The following SLC25A48 variants were observed in gnomAD, a reference collection of about 807,000 sequenced individuals.
The protein encoded by SLC25A48 is solute carrier family 25 member 48.
Under a neutral mutation model 32.2 loss-of-function variants are expected in SLC25A48, and 29 were observed. The observed-to-expected ratio is 0.90, with a 90% CI of 0.67 to 1.23. The LOEUF is 1.23. SLC25A48 is among the 50% of genes most tolerant of loss of function. SLC25A48 has a pLI of 0.00. For missense variants in SLC25A48, 399 were observed against 422.7 expected, an observed-to-expected ratio of 0.94 and a Z score of 0.49; for synonymous variants, 164 against 172.3, an observed-to-expected ratio of 0.95 and a Z score of 0.38.
chr5:135,598,881 T>A (rs777585251), intron 1 of SLC25A48, among the ~76,000 whole-genome samples: 100 of 152,112 alleles, frequency 6.6e-4, no homozygotes, highest in Non-Finnish European at 1.2e-3. Context: ...TGGTCGGTGG[T>A]CTCTTATCAG....
At chr5:135,661,027 T>C (rs1753383306) in intron 3 of SLC25A48, among the ~76,000 whole-genome samples, 1 of 152,196 alleles carries the variant, frequency 6.6e-6, no homozygotes, top group Non-Finnish European at 1.5e-5. Context: ...ACTTTGTCAG[T>C]CCCAGGGCCA....
intron 1 of SLC25A48, among the ~76,000 whole-genome samples, chr5:135,584,019 A>C (rs931542821): frequency 6.6e-6 from 1 of 152,216 alleles, no homozygotes; most frequent in Non-Finnish European, 1.5e-5. Context: ...ATATTTAGAG[A>C]TCCTGAGTAA....
At chr5:135,763,790 C>CACA (rs1554072856) in intron 3 of SLC25A48, among the ~76,000 whole-genome samples, 1 of 151,198 alleles carries the variant, frequency 6.6e-6, no homozygotes, top group Non-Finnish European at 1.5e-5. Context: ...CACACACACA[C>CACA]GAGAGAGAGA....
intron 3 of SLC25A48, among the ~76,000 whole-genome samples, chr5:135,718,006 C>T (rs1043433753): frequency 1.4e-5 from 2 of 143,784 alleles, no homozygotes; most frequent in African/African-American, 2.5e-5. Flanking sequence ...GCTTGAGACT[C>T]CTTTTTTGTT....
At chr5:135,717,021 G>A (rs1754817333) in intron 3 of SLC25A48, among the ~76,000 whole-genome samples, 2 of 151,712 alleles carry the variant, frequency 1.3e-5, no homozygotes, top group Admixed American at 1.3e-4. Flanking sequence ...GATTTTTTTT[G>A]CAACCCCCAA....
intron 4 of SLC25A48, among the ~76,000 whole-genome samples, chr5:135,864,198 A>G (rs1761020241): frequency 6.6e-6 from 1 of 152,214 alleles, no homozygotes; most frequent in Admixed American, 6.5e-5. Context: ...AAATAAGGCA[A>G]AAACATTTCT....
At chr5:135,751,050 C>A (rs181327623) in intron 3 of SLC25A48, among the ~76,000 whole-genome samples, 176 of 152,302 alleles carry the variant, frequency 1.2e-3, no homozygotes, top group African/African-American at 3.8e-3. Context: ...CAGCCAATAG[C>A]TGCAGATCCA....
At chr5:135,751,389 C>A (rs1469138068) in intron 3 of SLC25A48, among the ~76,000 whole-genome samples, 1 of 152,200 alleles carries the variant, frequency 6.6e-6, no homozygotes, top group Non-Finnish European at 1.5e-5. Context: ...GAGGCCCCTG[C>A]TCCCTGTGGT....
intron 3 of SLC25A48, among the ~76,000 whole-genome samples, chr5:135,684,866 C>A (rs1458686746): frequency 6.6e-6 from 1 of 152,108 alleles, no homozygotes; most frequent in Non-Finnish European, 1.5e-5. Flanking sequence ...GGTTTATTAC[C>A]ACTCTTTTGC....
At chr5:135,658,850 G>A (rs1434457146) in intron 3 of SLC25A48, among the ~76,000 whole-genome samples, 1 of 152,226 alleles carries the variant, frequency 6.6e-6, no homozygotes, top group Non-Finnish European at 1.5e-5. Flanking sequence ...GCCTCTTTTA[G>A]TCATGGCTGG....
chr5:135,752,533 A>G (rs1490613811), intron 3 of SLC25A48, among the ~76,000 whole-genome samples: 1 of 152,060 alleles, frequency 6.6e-6, no homozygotes, highest in East Asian at 1.9e-4. Flanking sequence ...ATTACAAGTA[A>G]TATCACAGGG....
intron 1 of SLC25A48, among the ~76,000 whole-genome samples, chr5:135,600,591 G>C (rs768855324): frequency 3.7e-4 from 57 of 152,094 alleles, no homozygotes; most frequent in Non-Finnish European, 8.8e-5. Flanking sequence ...CTCCTTCAGG[G>C]ACTGCATTTA....
At chr5:135,660,473 G>T (rs1048409922) in intron 3 of SLC25A48, among the ~76,000 whole-genome samples, 7 of 152,148 alleles carry the variant, frequency 4.6e-5, no homozygotes, top group African/African-American at 1.7e-4. Flanking sequence ...CTGCCATTTG[G>T]ATGGATAAAG....
chr5:135,698,799 C>T (rs1182042198), intron 3 of SLC25A48, among the ~76,000 whole-genome samples: 1 of 152,142 alleles, frequency 6.6e-6, no homozygotes, highest in African/African-American at 2.4e-5. Context: ...ATACATACAT[C>T]TGATCAAGGA....
intron 1 of SLC25A48, among the ~76,000 whole-genome samples, chr5:135,622,650 T>C (rs1752350932): frequency 6.6e-6 from 1 of 152,106 alleles, no homozygotes; most frequent in African/African-American, 2.4e-5. Context: ...GAAGAAAAAA[T>C]GTATATCATA....
At chr5:135,774,643 C>G (rs1307320551) in intron 3 of SLC25A48, among the ~76,000 whole-genome samples, 1 of 151,514 alleles carries the variant, frequency 6.6e-6, no homozygotes, top group Non-Finnish European at 1.5e-5. Context: ...GCATTGTGAT[C>G]AATATCCCAA....
rs182951320 is a variant in SLC25A48, at chr5:135,871,884, C to T, written c.679+166C>T. The T allele has an allele frequency of 8.8e-5, 133 of 1,503,926 alleles. No homozygotes were observed. The East Asian group carries it at 1.0e-3, about 12-fold the overall frequency. 93.2% of individuals were successfully genotyped at this position (1,503,926 alleles called of 1,614,324 possible). A position where few individuals can be genotyped will look rare whatever the true frequency, so the allele number is the denominator to read the frequency against. On this transcript the variant is annotated intron_variant, in intron 5 of 7. Transcript: ENST00000681962. The stretch of plus-strand genomic sequence containing the variant: ...TACTCTGTCCCCGGCCCTCTCCCAC[C>T]TCAGTCTCATCCCTTCCCTATGCAG...
In SLC25A48 at chr5:135,850,442, C is replaced by A. The variant is rs190171318; in HGVS notation, c.108C>A (p.Gly36=). The change falls in exon 3 of 8, where the codon GGC becomes GGA. Residue 36 remains glycine, a synonymous_variant. Coordinates refer to ENST00000681962, the MANE Select transcript of SLC25A48 (RefSeq NM_001349336.2). ...CTCCATAGACTCGCCTGCAGGCTGG[C>A]GTTGGCTACGGAAACACCCTCAGCT... ...LDTVKTRLQA[G]VGYGNTLSCI... 1 of 1,614,174 alleles carries A rather than the reference C, an allele frequency of 6.2e-7. No homozygotes were observed. Among genetic ancestry groups the A allele is most frequent in the Admixed American group, 1.7e-5 (1 of 60,028 alleles).
intron 3 of SLC25A48, among the ~76,000 whole-genome samples, chr5:135,759,727 A>C (rs1756015362): frequency 1.3e-5 from 2 of 152,198 alleles, no homozygotes; most frequent in African/African-American, 4.8e-5. Flanking sequence ...CATAATGCTA[A>C]AAGCAAATAT....
Sources: allele counts gnomAD v4.1 joint callset (sites outside exome capture counted in the v4.1 genomes callset), GRCh38; gene constraint gnomAD v4.1.1; transcripts MANE v1.5; gene names NCBI Gene and HGNC (gene_info 2026-07-23, HGNC 2026-07-21).